RPS6KC1: variants seen among roughly 807,000 people sequenced by gnomAD.
The protein encoded by RPS6KC1 is inactive ribosomal protein S6 kinase delta-1.
In RPS6KC1, 54 loss-of-function variants were observed where a neutral mutation model predicts 103.8. The ratio of observed to expected loss-of-function variants is 0.52; its 90% CI spans 0.42 to 0.65. The LOEUF (loss-of-function observed/expected upper bound fraction) is 0.65. RPS6KC1 is among the 30% of genes least tolerant of loss of function. RPS6KC1 has a pLI of 0.00. For missense variants in RPS6KC1, 1,151 were observed against 1,253.8 expected, an observed-to-expected ratio of 0.92 and a Z score of 1.24; for synonymous variants, 439 against 438.7, an observed-to-expected ratio of 1.00 and a Z score of -0.01.
intron 14 of RPS6KC1, among the ~76,000 whole-genome samples, chr1:213,268,509 T>C (rs555044455): frequency 6.5e-4 from 98 of 150,494 alleles, no homozygotes; most frequent in Non-Finnish European, 1.3e-3. Flanking sequence ...ATTGTAGATA[T>C]GAGTTCATAG....
At chr1:213,434,617 A>G in the RPS6KC1 span, among the ~76,000 whole-genome samples, 1 of 151,944 alleles carries the variant, frequency 6.6e-6, no homozygotes, top group Non-Finnish European at 1.5e-5. Context: ...CTCCACACCC[A>G]GCTAATTTTT....
the RPS6KC1 span, among the ~76,000 whole-genome samples, chr1:213,397,320 A>T: frequency 1.3e-5 from 2 of 151,864 alleles, no homozygotes; most frequent in African/African-American, 2.4e-5. Flanking sequence ...TTTCTTTTTT[A>T]AAAAAATTCT....
chr1:213,390,792 C>G, the RPS6KC1 span, among the ~76,000 whole-genome samples: 3,095 of 152,198 alleles, frequency 0.02, 112 homozygotes, highest in African/African-American at 0.07. Flanking sequence ...GCTTCCTGCC[C>G]TCCTGGGAAT....
At chr1:213,182,190 A>G (rs570854036) in intron 8 of RPS6KC1, among the ~76,000 whole-genome samples, 8 of 152,274 alleles carry the variant, frequency 5.3e-5, no homozygotes, top group Admixed American at 4.6e-4. Context: ...TTTAAAGTAT[A>G]CACTAAAAAA....
chr1:213,051,556 G>A lies in RPS6KC1; in HGVS notation c.105+47G>A, dbSNP rs200967718. On this transcript the variant is annotated intron_variant, in intron 1 of 14. Coordinates refer to ENST00000366960, the MANE Select transcript of RPS6KC1 (RefSeq NM_012424.6). The stretch of plus-strand genomic sequence containing the variant: ...GGGTAGAGCTTGGATTGGGACCTGA[G>A]GATCTGGGGTGGGGACCCTGATGTG... The A allele has an allele frequency of 1.0e-4, 144 of 1,396,538 alleles. 1 individual carries two copies. In the East Asian group the frequency reaches 2.4e-3, roughly 23 times the overall value. The allele number at this position is 1,396,538 out of a possible 1,614,324, so 86.5% of individuals were successfully genotyped here.
chr1:213,193,443 G>A (rs1485270480), intron 8 of RPS6KC1, among the ~76,000 whole-genome samples: 1 of 151,390 alleles, frequency 6.6e-6, no homozygotes, highest in East Asian at 2.0e-4. Context: ...TGTATTTTTA[G>A]TAGAAATGAG....
chr1:213,734,794 C>G, the RPS6KC1 span, among the ~76,000 whole-genome samples: 1 of 152,258 alleles, frequency 6.6e-6, no homozygotes, highest in South Asian at 2.1e-4. Flanking sequence ...TCTAGAGCTA[C>G]TTTGCCCTTG....
intron 6 of RPS6KC1, among the ~76,000 whole-genome samples, chr1:213,152,614 A>C (rs898854672): frequency 2.8e-5 from 4 of 144,452 alleles, no homozygotes; most frequent in African/African-American, 1.1e-4. Context: ...GCGGCGGGGC[A>C]GAGGCGCTCC....
the RPS6KC1 span, among the ~76,000 whole-genome samples, chr1:213,704,405 A>C: frequency 2.8e-4 from 42 of 151,148 alleles, no homozygotes; most frequent in African/African-American, 6.1e-4. Context: ...AAAAAAAAAA[A>C]AAAAAAACTC....
the RPS6KC1 span, among the ~76,000 whole-genome samples, chr1:213,311,141 A>AT: frequency 0.035 from 4,849 of 138,578 alleles, 244 homozygotes; most frequent in African/African-American, 0.11. Flanking sequence ...TAATTTAGGC[A>AT]TTTTTTTTTT....
At chr1:213,591,666 T>TA in the RPS6KC1 span, among the ~76,000 whole-genome samples, 1 of 152,154 alleles carries the variant, frequency 6.6e-6, no homozygotes, top group Non-Finnish European at 1.5e-5. Context: ...GGCCCCTGGG[T>TA]AGCAGATTCT....
chr1:213,718,580 G>A, the RPS6KC1 span, among the ~76,000 whole-genome samples: 1 of 152,350 alleles, frequency 6.6e-6, no homozygotes, highest in South Asian at 2.1e-4. Flanking sequence ...AGAGACACTG[G>A]TCGTTGGGAG....
intron 4 of RPS6KC1, among the ~76,000 whole-genome samples, chr1:213,106,190 G>A (rs954202129): frequency 2.0e-5 from 3 of 151,724 alleles, no homozygotes; most frequent in Admixed American, 2.0e-4. Context: ...ACTGATTTGG[G>A]AATATCAGAG....
the RPS6KC1 span, among the ~76,000 whole-genome samples, chr1:213,728,937 G>GTTTTTTTTTTTTTTTTTTTTTTTTTT: frequency 1.9e-4 from 18 of 93,440 alleles, 3 homozygotes; most frequent in Non-Finnish European, 2.5e-4. Flanking sequence ...GAACATGAGG[G>GTTTTTTTTTTTTTTTTTTTTTTTTTT]TTTTTTTTTT....
At chr1:213,564,420 A>ACTT in the RPS6KC1 span, among the ~76,000 whole-genome samples, 18 of 152,328 alleles carry the variant, frequency 1.2e-4, no homozygotes, top group South Asian at 3.7e-3. Context: ...CAAGAGGGAC[A>ACTT]CTGAAAGCCT....
intron 3 of RPS6KC1, among the ~76,000 whole-genome samples, chr1:213,085,269 T>C (rs2080280479): frequency 6.6e-6 from 1 of 152,306 alleles, no homozygotes; most frequent in East Asian, 1.9e-4. Context: ...TTTCCCTCTT[T>C]GTGAAATTGC....
the RPS6KC1 span, among the ~76,000 whole-genome samples, chr1:213,639,566 G>T: frequency 6.6e-4 from 101 of 152,082 alleles, 2 homozygotes; most frequent in African/African-American, 2.2e-3. Context: ...TCATGTTAAG[G>T]AAGTTCCCTT....
the RPS6KC1 span, among the ~76,000 whole-genome samples, chr1:213,441,439 G>A: frequency 2.0e-5 from 3 of 152,130 alleles, no homozygotes; most frequent in South Asian, 2.1e-4. Flanking sequence ...AGAACATGTC[G>A]TATTTGTCTT....
chr1:213,602,120 C>CTCTCTCTTTCTT, the RPS6KC1 span, among the ~76,000 whole-genome samples: 2 of 5,156 alleles, frequency 3.9e-4, no homozygotes. Context: ...TTCTTTCTTT[C>CTCTCTCTTTCTT]TCTTTCTTTC....
Sources: gnomAD v4.1 joint callset for allele counts (sites outside exome capture counted in the v4.1 genomes callset) on GRCh38, gnomAD v4.1.1 for gene constraint, MANE v1.5 for transcripts, NCBI Gene and HGNC (gene_info 2026-07-23, HGNC 2026-07-21) for gene names.